CREB3L2: variants seen among roughly 807,000 people sequenced by gnomAD.
The protein encoded by CREB3L2 is cyclic AMP-responsive element-binding protein 3-like protein 2.
A neutral mutation model predicts 57.2 loss-of-function variants in CREB3L2; 23 were observed. The ratio of observed to expected loss-of-function variants is 0.40; its 90% CI spans 0.29 to 0.57. CREB3L2 has a LOEUF of 0.57. Ranked by LOEUF, CREB3L2 falls within the 20% of genes least tolerant of loss-of-function variation. CREB3L2 has a pLI of 0.42. For missense variants in CREB3L2, 628 were observed against 634.7 expected, an observed-to-expected ratio of 0.99 and a Z score of 0.11; for synonymous variants, 268 against 265.1, an observed-to-expected ratio of 1.01 and a Z score of -0.11.
chr7:137,931,905 G>A (rs1800652460), intron 1 of CREB3L2, among the ~76,000 whole-genome samples: 1 of 152,204 alleles, frequency 6.6e-6, no homozygotes, highest in Non-Finnish European at 1.5e-5. Context: ...GGTTGCTGCT[G>A]TAATCTTTCT....
intron 4 of CREB3L2, chr7:137,912,681 A>G: frequency 3.1e-6 from 2 of 652,036 alleles, no homozygotes; most frequent in Non-Finnish European, 5.2e-6. Context: ...TAAGGGCTGC[A>G]GTTCTCTTGT....
At chr7:137,937,582 C>T (rs1800812213) in intron 1 of CREB3L2, among the ~76,000 whole-genome samples, 1 of 152,212 alleles carries the variant, frequency 6.6e-6, no homozygotes, top group Non-Finnish European at 1.5e-5. Context: ...ACAAGTCAAA[C>T]TCCATTACAG....
chr7:137,991,442 G>A (rs1351466005), intron 1 of CREB3L2, among the ~76,000 whole-genome samples: 1 of 151,966 alleles, frequency 6.6e-6, no homozygotes, highest in African/African-American at 2.4e-5. Flanking sequence ...GGGATTACAG[G>A]CGTGAGCCAC....
chr7:137,957,749 G>C (rs1217753049), intron 1 of CREB3L2: 1 of 1,288,162 alleles, frequency 7.8e-7, no homozygotes, highest in Non-Finnish European at 1.0e-6. Context: ...GAACGCACCT[G>C]TAAGAAAGAA....
intron 4 of CREB3L2, 51 bp downstream of exon 4, chr7:137,912,940 A>T (rs1800045971): frequency 1.9e-6 from 3 of 1,606,596 alleles, no homozygotes. Flanking sequence ...CTCTCTGTAG[A>T]CCCAGAGACC....
chr7:137,923,906 G>A (rs887709306), intron 2 of CREB3L2, among the ~76,000 whole-genome samples: 2 of 152,116 alleles, frequency 1.3e-5, no homozygotes, highest in Non-Finnish European at 2.9e-5. Context: ...GTGATCCTAT[G>A]TTTCTCAGTC....
At chr7:137,993,622 C>T (rs752761210) in intron 1 of CREB3L2, among the ~76,000 whole-genome samples, 21 of 152,162 alleles carry the variant, frequency 1.4e-4, no homozygotes, top group Non-Finnish European at 2.5e-4. Context: ...TGGGCTCAAG[C>T]GATCCTCCTG....
chr7:137,964,194 C>A (rs1303857577), intron 1 of CREB3L2, among the ~76,000 whole-genome samples: 2 of 152,022 alleles, frequency 1.3e-5, no homozygotes, highest in Non-Finnish European at 2.9e-5. Flanking sequence ...CAGGCACCTG[C>A]AATCCCAGCT....
chr7:137,915,718 G>A (rs920162228), intron 3 of CREB3L2, 119 bp downstream of exon 3: 7 of 785,322 alleles, frequency 8.9e-6, no homozygotes, highest in Non-Finnish European at 1.4e-5. Context: ...ATATGAAGTT[G>A]CATGTCCTTA....
intron 8 of CREB3L2, among the ~76,000 whole-genome samples, chr7:137,900,973 C>A (rs989444800): frequency 3.3e-5 from 5 of 152,124 alleles, no homozygotes; most frequent in Non-Finnish European, 7.4e-5. Flanking sequence ...CTCCTCCAAG[C>A]CTCTTTTTTA....
chr7:137,941,426 G>A (rs1458867739), intron 1 of CREB3L2, among the ~76,000 whole-genome samples: 1 of 152,180 alleles, frequency 6.6e-6, no homozygotes, highest in Non-Finnish European at 1.5e-5. Context: ...CGCAGTTATT[G>A]GGAGCGCAGT....
chr7:137,876,159 T>C lies in CREB3L2; in HGVS notation c.*4317A>G, dbSNP rs966415137. ...TGCAAATCTGATAGTGGCTCACTTT[T>C]AGGAAACCACTTTTGAGCCTTCAGA... is the stretch of plus-strand genomic sequence containing the variant. On this transcript the variant is annotated 3_prime_UTR_variant, in exon 12 of 12. Coordinates refer to ENST00000330387, the MANE Select transcript of CREB3L2 (RefSeq NM_194071.4). 6 of 232,830 alleles carry C rather than the reference T, an allele frequency of 2.6e-5. No individual in the cohort carries two copies. In the Admixed American group the frequency reaches 2.8e-4, roughly 11 times the overall value. 14.4% of individuals were successfully genotyped at this position (232,830 alleles called of 1,614,324 possible). A position where few individuals can be genotyped will look rare whatever the true frequency, so the allele number is the denominator to read the frequency against.
chr7:137,964,465 T>G (rs1407746721), intron 1 of CREB3L2, among the ~76,000 whole-genome samples: 1 of 152,214 alleles, frequency 6.6e-6, no homozygotes, highest in Admixed American at 6.5e-5. Context: ...TTTAGCCTTT[T>G]GAGCACTCAG....
intron 2 of CREB3L2, among the ~76,000 whole-genome samples, chr7:137,920,487 A>C (rs1409650835): frequency 6.6e-6 from 1 of 152,196 alleles, no homozygotes; most frequent in Non-Finnish European, 1.5e-5. Context: ...ACCCCCACAC[A>C]GAAACAGACA....
chr7:137,939,231 C>A (rs1800842263), intron 1 of CREB3L2, among the ~76,000 whole-genome samples: 1 of 152,166 alleles, frequency 6.6e-6, no homozygotes, highest in Non-Finnish European at 1.5e-5. Context: ...AACACTTGCA[C>A]ACCATGACTG....
chr7:137,973,913 C>T (rs950162824), intron 1 of CREB3L2, among the ~76,000 whole-genome samples: 12 of 151,974 alleles, frequency 7.9e-5, no homozygotes, highest in Admixed American at 1.3e-4. Context: ...ATTTCCAAAC[C>T]AATAACTGCT....
intron 2 of CREB3L2, among the ~76,000 whole-genome samples, chr7:137,927,406 G>GGGAA (rs1554498624): frequency 1.6e-5 from 2 of 128,898 alleles, no homozygotes; most frequent in African/African-American, 8.1e-5. Flanking sequence ...AGGGAAGGAA[G>GGGAA]GGAAGGGAAG....
chr7:137,998,458 A>G (rs1802025951), intron 1 of CREB3L2, among the ~76,000 whole-genome samples: 1 of 152,134 alleles, frequency 6.6e-6, no homozygotes, highest in Non-Finnish European at 1.5e-5. Context: ...CTATATTCCA[A>G]TCACTCTCTC....
chr7:137,920,557 A>C (rs1236528720), intron 2 of CREB3L2, among the ~76,000 whole-genome samples: 1 of 152,226 alleles, frequency 6.6e-6, no homozygotes, highest in Non-Finnish European at 1.5e-5. Context: ...GTTATGCCGC[A>C]ACAGAGCTAG....
Sources: allele counts gnomAD v4.1 joint callset (sites outside exome capture counted in the v4.1 genomes callset), GRCh38; gene constraint gnomAD v4.1.1; transcripts MANE v1.5; gene names NCBI Gene and HGNC (gene_info 2026-07-23, HGNC 2026-07-21).